Variants in TAX1BP1 observed in about 807,000 individuals in gnomAD.
TAX1BP1 encodes tax1-binding protein 1.
In TAX1BP1, 62 loss-of-function variants were observed where a neutral mutation model predicts 97.7. That is an observed-to-expected ratio of 0.63 (90% CI 0.52 to 0.78). The LOEUF is 0.78. TAX1BP1 is among the 30% of genes least tolerant of loss of function. The pLI is 0.00. For missense variants in TAX1BP1, 867 were observed against 916.1 expected, an observed-to-expected ratio of 0.95 and a Z score of 0.69; for synonymous variants, 340 against 304.2, an observed-to-expected ratio of 1.12 and a Z score of -1.23.
chr7:27,760,103 C>G (rs1278590606), intron 3 of TAX1BP1, among the ~76,000 whole-genome samples: 1 of 152,100 alleles, frequency 6.6e-6, no homozygotes, highest in East Asian at 1.9e-4. Flanking sequence ...ATCCACCCGC[C>G]TCGGCCTCCC....
chr7:27,787,912 C>A (rs918299143), intron 8 of TAX1BP1, among the ~76,000 whole-genome samples: 1 of 152,068 alleles, frequency 6.6e-6, no homozygotes, highest in South Asian at 2.1e-4. Context: ...GCCATGACAC[C>A]GTTATTACAC....
At position 27,786,195 on chromosome 7, in the gene TAX1BP1, G is replaced by A. The variant is rs539386204; in HGVS notation, c.852+706G>A. 1.4e-4 allele frequency among the ~76,000 whole-genome samples: 21 copies of A among 150,280 alleles called. 2 individuals are homozygous for A. In the South Asian group the frequency reaches 4.0e-3, roughly 29 times the overall value. On this transcript the variant is annotated intron_variant, in intron 7 of 16. Transcript: ENST00000396319. ...CGCCCAGGCTGAAGTGCAGTGGTGC[G>A]ATCTCGGCCCACTGCAAGCTCTGCC...
intron 10 of TAX1BP1, among the ~76,000 whole-genome samples, chr7:27,793,993 G>A (rs1789818927): frequency 6.6e-6 from 1 of 152,214 alleles, no homozygotes; most frequent in African/African-American, 2.4e-5. Flanking sequence ...CTTTAAGTAT[G>A]ACTCACTCAC....
chr7:27,809,952 G>C (rs1390861565), intron 13 of TAX1BP1, among the ~76,000 whole-genome samples: 1 of 151,664 alleles, frequency 6.6e-6, no homozygotes, highest in Non-Finnish European at 1.5e-5. Context: ...CTGTCACCTA[G>C]GCTGGAGTGC....
intron 13 of TAX1BP1, among the ~76,000 whole-genome samples, chr7:27,807,221 G>A (rs1790373145): frequency 2.6e-5 from 4 of 152,118 alleles, no homozygotes; most frequent in Admixed American, 2.6e-4. Flanking sequence ...TGTATCCTCA[G>A]TACAAGGATG....
chr7:27,739,659 C>T (rs1787491569), upstream of TAX1BP1: 1 of 152,126 alleles, frequency 6.6e-6, no homozygotes, highest in African/African-American at 2.4e-5. Context: ...GTGAACAAAA[C>T]TTCATAGCCA....
chr7:27,752,177 G>A (rs1788043519), intron 2 of TAX1BP1, among the ~76,000 whole-genome samples: 1 of 140,056 alleles, frequency 7.1e-6, no homozygotes. Context: ...AGCCTAAAGT[G>A]GAGAAGGAAG....
intron 5 of TAX1BP1, among the ~76,000 whole-genome samples, chr7:27,784,820 T>C (rs1789412490): frequency 6.6e-6 from 1 of 151,622 alleles, no homozygotes; most frequent in African/African-American, 2.4e-5. Context: ...ACCCTGTCTC[T>C]ATTAAAAAAA....
Position 27,769,828 on chromosome 7 carries a change from A to G in TAX1BP1, c.606A>G (p.Glu202=). 1 of 1,612,000 alleles carries G rather than the reference A, an allele frequency of 6.2e-7. No individual in the cohort carries two copies. The highest frequency in any genetic ancestry group is 1.1e-5 in the South Asian group (1 of 90,788). The part of the protein sequence containing the change: ...EKERCDQLQA[E]QKGLTEVTQS... ...AAAGATGTGACCAACTGCAAGCAGA[A>G]CAAAAGGTTAGTTGTGTCTTATGTA... The change falls in exon 5 of 17, where the codon GAA becomes GAG. Residue 202 remains glutamate (E), a synonymous_variant. Coordinates refer to ENST00000396319, the MANE Select transcript of TAX1BP1 (RefSeq NM_006024.7).
chr7:27,828,666 T>C lies in TAX1BP1; in HGVS notation c.2207T>C (p.Met736Thr). Residue 736 changes from methionine (M) to threonine (T), a missense_variant, in exon 17 of 17, where the codon ATG (methionine) becomes ACG (threonine). Coordinates refer to ENST00000396319, the MANE Select transcript of TAX1BP1 (RefSeq NM_006024.7). ...AAGAAGTGTCCCCTCTGTGAGTTAA[T>C]GTTTCCTCCTAACTATGATCAGAGC... ...VHKKCPLCEL[M>T]FPPNYDQSKF... 3 of 1,614,092 alleles carry C rather than the reference T, an allele frequency of 1.9e-6. No homozygotes were observed. Among genetic ancestry groups the C allele is most frequent in the Non-Finnish European group, 2.5e-6 (3 of 1,179,972 alleles).
intron 2 of TAX1BP1, among the ~76,000 whole-genome samples, chr7:27,749,963 A>T (rs1787962076): frequency 6.6e-6 from 1 of 151,874 alleles, no homozygotes; most frequent in East Asian, 1.9e-4. Flanking sequence ...CTAATTTTTA[A>T]AATTTTTTGT....
At chr7:27,800,232 A>AT in intron 13 of TAX1BP1, 142 bp downstream of exon 13, 1 of 810,504 alleles carries the variant, frequency 1.2e-6, no homozygotes, top group Non-Finnish European at 1.8e-6. Flanking sequence ...CTATATATTT[A>AT]GTTACATAAA....
intron 5 of TAX1BP1, 90 bp from the exon 6 acceptor site, chr7:27,785,073 A>G: frequency 7.6e-7 from 1 of 1,318,370 alleles, no homozygotes; most frequent in South Asian, 1.7e-5. Flanking sequence ...TTAAAATTCT[A>G]AGAATACATA....
chr7:27,812,015 A>G (rs1253765318), intron 13 of TAX1BP1, among the ~76,000 whole-genome samples: 1 of 152,186 alleles, frequency 6.6e-6, no homozygotes, highest in African/African-American at 2.4e-5. Flanking sequence ...GTAGATACCT[A>G]GGAGTGGAAT....
chr7:27,804,144 G>C (rs934993882), intron 13 of TAX1BP1, among the ~76,000 whole-genome samples: 2 of 152,148 alleles, frequency 1.3e-5, no homozygotes, highest in Non-Finnish European at 2.9e-5. Context: ...GTAATATTTA[G>C]ACTGTATTTT....
intron 13 of TAX1BP1, among the ~76,000 whole-genome samples, chr7:27,800,543 A>G (rs1033427746): frequency 2.6e-5 from 4 of 151,790 alleles, no homozygotes; most frequent in Admixed American, 6.6e-5. Flanking sequence ...ATAGGGAGAT[A>G]CCCACCCCCC....
chr7:27,784,811 C>T (rs1389919663), intron 5 of TAX1BP1, among the ~76,000 whole-genome samples: 1 of 151,592 alleles, frequency 6.6e-6, no homozygotes, highest in African/African-American at 2.4e-5. Flanking sequence ...CATGGCAAAA[C>T]CCTGTCTCTA....
intron 3 of TAX1BP1, among the ~76,000 whole-genome samples, chr7:27,761,816 G>A (rs1294186055): frequency 6.6e-6 from 1 of 152,158 alleles, no homozygotes; most frequent in Non-Finnish European, 1.5e-5. Context: ...GTGGATGTAA[G>A]TTTTCATTTC....
Position 27,787,602 on chromosome 7 carries a change from A to C in TAX1BP1, c.1037A>C (p.Lys346Thr). 1 of 1,602,214 alleles carries C rather than the reference A, an allele frequency of 6.2e-7. No individual in the cohort carries two copies. Among genetic ancestry groups the C allele is most frequent in the Non-Finnish European group, 8.5e-7 (1 of 1,175,882 alleles). ...ACTTTCCTGCTTACAACCTCAAGTA[A>C]AGTAAGTACTTTTGCTATATATATT... ...QRTFLLTTSSKEDTCFLKEQL... is the reference protein window; with the variant it reads ...QRTFLLTTSSTEDTCFLKEQL... The change falls in exon 8 of 17, where the codon AAA becomes ACA. Residue 346 changes from lysine (K) to threonine (T), a missense_variant and splice_region_variant. Coordinates refer to ENST00000396319, the MANE Select transcript of TAX1BP1 (RefSeq NM_006024.7).
Sources: allele counts gnomAD v4.1 joint callset (sites outside exome capture counted in the v4.1 genomes callset), GRCh38; gene constraint gnomAD v4.1.1; transcripts MANE v1.5; gene names NCBI Gene and HGNC (gene_info 2026-07-23, HGNC 2026-07-21).